CTNND2: variants seen among roughly 807,000 people sequenced by gnomAD.
CTNND2 encodes the protein catenin delta-2.
CTNND2 carries 22 observed loss-of-function variants against 144.4 expected under a neutral mutation model. That is an observed-to-expected ratio of 0.15 (90% CI 0.11 to 0.22). The LOEUF (loss-of-function observed/expected upper bound fraction) is 0.22. Ranked by LOEUF, CTNND2 falls within the 10% of genes least tolerant of loss-of-function variation. The pLI, the probability that CTNND2 is intolerant of heterozygous loss-of-function variation, is 1.00. For missense variants in CTNND2, 1,353 were observed against 1,618.8 expected, an observed-to-expected ratio of 0.84 and a Z score of 2.82; for synonymous variants, 751 against 695.6, an observed-to-expected ratio of 1.08 and a Z score of -1.25.
At chr5:11,484,994 T>A (rs1378771385) in intron 3 of CTNND2, among the ~76,000 whole-genome samples, 1 of 151,882 alleles carries the variant, frequency 6.6e-6, no homozygotes, top group South Asian at 2.1e-4. Flanking sequence ...CTTAGGAAAG[T>A]CCAAATAATC....
At chr5:11,302,873 G>A (rs539716850) in intron 9 of CTNND2, among the ~76,000 whole-genome samples, 5 of 152,314 alleles carry the variant, frequency 3.3e-5, no homozygotes, top group South Asian at 4.1e-4. Flanking sequence ...GTTAGGAGGA[G>A]GAGGACCATT....
chr5:11,129,252 TAAA>T (rs1161256804), intron 12 of CTNND2, among the ~76,000 whole-genome samples: 3 of 59,346 alleles, frequency 5.1e-5, no homozygotes, highest in African/African-American at 1.8e-4. Flanking sequence ...ATATATTATA[TAAA>T]AATATAAATA....
At chr5:11,872,591 T>C (rs1044238510) in intron 1 of CTNND2, among the ~76,000 whole-genome samples, 12 of 152,338 alleles carry the variant, frequency 7.9e-5, no homozygotes, top group African/African-American at 2.9e-4. Flanking sequence ...TGGCATGAGA[T>C]GGTATGTCAT....
intron 9 of CTNND2, among the ~76,000 whole-genome samples, chr5:11,272,828 C>A (rs1230152877): frequency 6.6e-6 from 1 of 152,078 alleles, no homozygotes; most frequent in African/African-American, 2.4e-5. Context: ...ATTTTATCCA[C>A]GAGTATATAA....
intron 1 of CTNND2, among the ~76,000 whole-genome samples, chr5:11,755,845 A>G (rs1788903406): frequency 6.6e-6 from 1 of 151,396 alleles, no homozygotes; most frequent in South Asian, 2.1e-4. Context: ...ATTTTATTTT[A>G]TTCCTTATAG....
intron 9 of CTNND2, among the ~76,000 whole-genome samples, chr5:11,345,984 T>C (rs1754736799): frequency 1.3e-5 from 2 of 152,284 alleles, no homozygotes; most frequent in South Asian, 4.1e-4. Context: ...TGCAATCTGA[T>C]AAATAGAAAT....
At chr5:11,591,484 C>T (rs1383699122) in intron 2 of CTNND2, among the ~76,000 whole-genome samples, 1 of 152,034 alleles carries the variant, frequency 6.6e-6, no homozygotes, top group African/African-American at 2.4e-5. Flanking sequence ...ATACCAGTCC[C>T]GTTTATTTCT....
chr5:11,124,358 T>TACATGTTGGCTTACATTCTGTGGAGA, intron 12 of CTNND2, among the ~76,000 whole-genome samples: 1 of 152,222 alleles, frequency 6.6e-6, no homozygotes, highest in African/African-American at 2.4e-5. Flanking sequence ...AGAACATCCT[T>TACATGTTGGCTTACATTCTGTGGAGA]ACATCCTCGA....
chr5:11,834,015 C>T (rs907936341), intron 1 of CTNND2, among the ~76,000 whole-genome samples: 17 of 151,930 alleles, frequency 1.1e-4, no homozygotes, highest in African/African-American at 4.1e-4. Flanking sequence ...GGCCTAAGTC[C>T]ACCAAAAAAT....
intron 1 of CTNND2, among the ~76,000 whole-genome samples, chr5:11,854,394 A>C (rs1795158056): frequency 6.6e-6 from 1 of 152,284 alleles, no homozygotes; most frequent in South Asian, 2.1e-4. Context: ...TCACCCTCCC[A>C]AACAGCTGGG....
intron 3 of CTNND2, among the ~76,000 whole-genome samples, chr5:11,414,061 C>T (rs890676976): frequency 2.6e-5 from 4 of 152,062 alleles, no homozygotes; most frequent in African/African-American, 7.2e-5. Flanking sequence ...AATCCAATTA[C>T]ACATGTGCTT....
At chr5:11,425,431 G>C (rs1581167439) in intron 3 of CTNND2, among the ~76,000 whole-genome samples, 1 of 152,126 alleles carries the variant, frequency 6.6e-6, no homozygotes, top group Non-Finnish European at 1.5e-5. Context: ...CCAGCATTTA[G>C]CATCTGATAC....
chr5:11,001,302 C>A (rs957150688), intron 18 of CTNND2, among the ~76,000 whole-genome samples: 2 of 152,132 alleles, frequency 1.3e-5, no homozygotes, highest in African/African-American at 4.8e-5. Flanking sequence ...ATAAATTATG[C>A]CACCCTGGTT....
At chr5:11,838,157 C>T (rs149659746) in intron 1 of CTNND2, among the ~76,000 whole-genome samples, 1 of 152,288 alleles carries the variant, frequency 6.6e-6, no homozygotes, top group Non-Finnish European at 1.5e-5. Flanking sequence ...TTCCCAACAT[C>T]TCAAGGGACT....
chr5:11,836,587 A>G (rs1231390313), intron 1 of CTNND2, among the ~76,000 whole-genome samples: 1 of 152,200 alleles, frequency 6.6e-6, no homozygotes, highest in African/African-American at 2.4e-5. Flanking sequence ...AAGTTCAAGC[A>G]AAGAAATGAA....
At chr5:11,821,051 A>C (rs1405512387) in intron 1 of CTNND2, among the ~76,000 whole-genome samples, 9 of 152,132 alleles carry the variant, frequency 5.9e-5, no homozygotes, top group Non-Finnish European at 1.3e-4. Context: ...ATTCACATTG[A>C]TTTTTTGGTA....
chr5:11,593,089 G>C (rs1779334035), intron 2 of CTNND2, among the ~76,000 whole-genome samples: 1 of 152,136 alleles, frequency 6.6e-6, no homozygotes. Context: ...CTGGAGTGAA[G>C]GGCTAGATGT....
intron 7 of CTNND2, among the ~76,000 whole-genome samples, chr5:11,376,853 C>T (rs1427300355): frequency 1.3e-5 from 2 of 152,126 alleles, no homozygotes; most frequent in Admixed American, 6.5e-5. Flanking sequence ...CCCAGCCCCA[C>T]CCCCTCAAGC....
intron 1 of CTNND2, among the ~76,000 whole-genome samples, chr5:11,812,411 A>G (rs1197288361): frequency 1.3e-5 from 2 of 152,192 alleles, no homozygotes; most frequent in African/African-American, 4.8e-5. Context: ...CTGACATGGC[A>G]TGACCCCTAT....
Sources: gnomAD v4.1 joint callset for allele counts (sites outside exome capture counted in the v4.1 genomes callset) on GRCh38, gnomAD v4.1.1 for gene constraint, MANE v1.5 for transcripts, NCBI Gene and HGNC (gene_info 2026-07-23, HGNC 2026-07-21) for gene names.